The following ABHD12B variants were observed in gnomAD, a reference collection of about 807,000 sequenced individuals.
The protein encoded by ABHD12B is abhydrolase domain containing 12B, also known as protein ABHD12B.
In ABHD12B, 42 loss-of-function variants were observed where a neutral mutation model predicts 50.4. The ratio of observed to expected loss-of-function variants is 0.83; its 90% CI spans 0.65 to 1.08. The LOEUF (loss-of-function observed/expected upper bound fraction) is 1.08. Ranked by LOEUF, ABHD12B falls within the 50% of genes least tolerant of loss-of-function variation. ABHD12B has a pLI of 0.00. For synonymous variants in ABHD12B, 167 were observed against 160.3 expected (o/e 1.04, Z -0.32); for missense variants, 479 against 447.7 (o/e 1.07, Z -0.63).
chr14:50,880,892 G>T (rs1232189979), intron 4 of ABHD12B, among the ~76,000 whole-genome samples: 4 of 152,212 alleles, frequency 2.6e-5, no homozygotes, highest in Non-Finnish European at 2.9e-5. Flanking sequence ...TGACAGGAAA[G>T]GGAACAGGCA....
In ABHD12B at chr14:50,884,508, C is replaced by T. The variant is rs963472507; in HGVS notation, c.487-1106C>T. On this transcript the variant is annotated intron_variant, in intron 5 of 12. Coordinates refer to ENST00000337334, the MANE Select transcript of ABHD12B (RefSeq NM_001206673.2). The stretch of plus-strand genomic sequence containing the variant: ...AGGGGCAGACCCAGGAGTGAATCTT[C>T]GTTCTAGTTCTAGCCAGTTGGGTGA... 2.0e-5 allele frequency among the ~76,000 whole-genome samples: 3 copies of T among 152,130 alleles called. No homozygotes were observed. In the East Asian group the frequency reaches 5.8e-4, roughly 29 times the overall value.
rs1248376396 is a variant in ABHD12B at position 50,900,888 on chromosome 14, G to C, written c.781-941G>C. ...GGTTTAATCCAATTGCCTTTGGAGG[G>C]TGTTAAGCGAAAGAGTGCTACGATC... On this transcript the variant is annotated intron_variant, in intron 9 of 12. Coordinates refer to ENST00000337334, the MANE Select transcript of ABHD12B (RefSeq NM_001206673.2). 8.4e-4 allele frequency among the ~76,000 whole-genome samples: 128 copies of C among 152,194 alleles called. 2 individuals carry two copies. The highest frequency in any genetic ancestry group is 7.3e-5 in the Non-Finnish European group (5 of 68,042).
chr14:50,889,788 C>T (rs1232590740), intron 9 of ABHD12B, among the ~76,000 whole-genome samples: 1 of 152,156 alleles, frequency 6.6e-6, no homozygotes, highest in African/African-American at 2.4e-5. Flanking sequence ...TAGAGGGATA[C>T]ATGGCCTCAA....
chr14:50,872,962 C>G (rs1017061657), intron 1 of ABHD12B, among the ~76,000 whole-genome samples: 3 of 152,172 alleles, frequency 2.0e-5, no homozygotes, highest in Non-Finnish European at 2.9e-5. Flanking sequence ...TTACCTGAAT[C>G]CACCTGCAAC....
chr14:50,904,221 G>T, intron 12 of ABHD12B, 29 bp downstream of exon 12: 1 of 1,613,202 alleles, frequency 6.2e-7, no homozygotes, highest in Non-Finnish European at 8.5e-7. Context: ...AATGTATGTT[G>T]CCCTTCAAGG....
chr14:50,886,596 A>G (rs2050041253), intron 7 of ABHD12B, 51 bp from the exon 8 acceptor site: 1 of 1,565,386 alleles, frequency 6.4e-7, no homozygotes, highest in Non-Finnish European at 8.7e-7. Flanking sequence ...CAGAAGTTGC[A>G]TTTTGTACTG....
At chr14:50,888,384 A>G (rs1164984988) in intron 8 of ABHD12B, among the ~76,000 whole-genome samples, 1 of 151,932 alleles carries the variant, frequency 6.6e-6, no homozygotes, top group East Asian at 1.9e-4. Flanking sequence ...TTGTATTTTT[A>G]GTAGAGATGG....
In ABHD12B at chr14:50,872,286, C is replaced by A; in HGVS notation, c.104+8C>A. 1 of 1,313,886 alleles carries A rather than the reference C, an allele frequency of 7.6e-7. No homozygotes were observed. The highest frequency in any genetic ancestry group is 9.7e-7 in the Non-Finnish European group (1 of 1,029,194). The allele number at this position is 1,313,886 out of a possible 1,614,324, so 81.4% of individuals were successfully genotyped here. On this transcript the variant is annotated splice_region_variant and intron_variant, in intron 1 of 12. Coordinates refer to ENST00000337334, the MANE Select transcript of ABHD12B (RefSeq NM_001206673.2). ...GGTCGACCGCAACCTGCGGTGAGTACCGCCCGGTCCACCCCTGGCCGGGCC... is the reference window on the plus strand; with the variant it reads ...GGTCGACCGCAACCTGCGGTGAGTAACGCCCGGTCCACCCCTGGCCGGGCC...
rs1425558845 is a variant in ABHD12B at position 50,888,844 on chromosome 14, G to T, written c.721G>T (p.Val241Phe). 1.9e-6 allele frequency: 3 copies of T among 1,613,896 alleles called. No individual in the cohort carries two copies. Among genetic ancestry groups the T allele is most frequent in the Non-Finnish European group, 2.5e-6 (3 of 1,179,954 alleles). Residue 241 changes from valine (V) to phenylalanine (F), a missense_variant, in exon 9 of 13, where the codon GTC (valine) becomes TTC (phenylalanine). By Grantham distance (50) the Val-to-Phe change is conservative. Transcript: ENST00000337334. ...EEKGCPVDAI[V>F]LEAPFTNMWV... is the part of the protein sequence containing the mutation. ...TCAAGGATGCCCAGTTGATGCTATT[G>T]TCTTGGAAGCTCCATTTACCAACAT...
At chr14:50,897,976 C>G (rs1247210365) in intron 9 of ABHD12B, among the ~76,000 whole-genome samples, 1 of 152,160 alleles carries the variant, frequency 6.6e-6, no homozygotes, top group Non-Finnish European at 1.5e-5. Flanking sequence ...GCTTTGCTCA[C>G]AGGTGTGGCC....
At chr14:50,903,254 T>C (rs2050284460) in intron 10 of ABHD12B, 135 bp from the exon 11 acceptor site, 1 of 606,084 alleles carries the variant, frequency 1.6e-6, no homozygotes, top group African/African-American at 1.9e-5. Context: ...ATGATATTGT[T>C]ATTCCTTGGA....
At chr14:50,903,988 G>A in intron 11 of ABHD12B, 86 bp from the exon 12 acceptor site, 1 of 1,107,110 alleles carries the variant, frequency 9.0e-7, no homozygotes, top group Non-Finnish European at 1.3e-6. Flanking sequence ...CAAGTTAGCT[G>A]TTTCTGTACA....
intron 11 of ABHD12B, 33 bp downstream of exon 11, chr14:50,903,500 A>G: frequency 1.9e-6 from 3 of 1,548,654 alleles, no homozygotes; most frequent in Non-Finnish European, 1.8e-6. Flanking sequence ...ACTGAAATAT[A>G]CTATACTCAT....
Position 50,878,806 on chromosome 14 carries a change from C to T in ABHD12B, c.294C>T (p.Asn98=), listed in dbSNP as rs1452787838. The part of the protein sequence containing the change: ...KPELKIPHTV[N]FYLRVEPGVM... ...AGTTAAAGATTCCTCACACAGTGAA[C>T]TTCTACCTGAGAGTTGAACCTGGGG... is the stretch of plus-strand genomic sequence containing the variant. Residue 98 remains asparagine, a synonymous_variant, in exon 3 of 13, where the codon AAC becomes AAT. Transcript: ENST00000337334. 25 of 1,613,976 alleles carry T rather than the reference C, an allele frequency of 1.5e-5. No homozygotes were observed. Among genetic ancestry groups the T allele is most frequent in the Non-Finnish European group, 2.0e-5 (24 of 1,179,876 alleles).
rs966916314 is a variant in ABHD12B at position 50,885,671 on chromosome 14, G to C, written c.532+12G>C. On this transcript the variant is annotated intron_variant, in intron 6 of 12. Transcript: ENST00000337334. ...TGTTGACTACAGAGGTATGTGTTAA[G>C]AACGGTGTACAAAGATGTTTCAGTA... 1.9e-6 allele frequency: 3 copies of C among 1,614,034 alleles called. No individual in the cohort carries two copies. The highest frequency in any genetic ancestry group is 1.7e-6 in the Non-Finnish European group (2 of 1,180,040).
At chr14:50,903,342 C>G in intron 10 of ABHD12B, 47 bp from the exon 11 acceptor site, 1 of 1,434,132 alleles carries the variant, frequency 7.0e-7, no homozygotes, top group Non-Finnish European at 9.7e-7. Flanking sequence ...GGAGAAATCT[C>G]AATGTATCAT....
chr14:50,901,541 A>G (rs1596024571), intron 9 of ABHD12B, among the ~76,000 whole-genome samples: 2 of 152,280 alleles, frequency 1.3e-5, no homozygotes, highest in Admixed American at 1.3e-4. Context: ...CTGCTTCTAC[A>G]TGGAGAAGTA....
rs142210572 is a variant in ABHD12B, at chr14:50,904,188, G to C, written c.1057G>C (p.Val353Leu). ...TAAAAGCCCCACACTGTTAATAACCGTGAGGTAAGAGTTGCTTTGCTAAAT... is the reference window on the plus strand; with the variant it reads ...TAAAAGCCCCACACTGTTAATAACCCTGAGGTAAGAGTTGCTTTGCTAAAT... ...LCKSPTLLITVRDFLSKQWS is the reference protein window; with the variant it reads ...LCKSPTLLITLRDFLSKQWS The change falls in exon 12 of 13, where the codon GTG becomes CTG. Residue 353 changes from valine to leucine, a missense_variant. Coordinates refer to ENST00000337334, the MANE Select transcript of ABHD12B (RefSeq NM_001206673.2). 5 of 1,614,002 alleles carry C rather than the reference G, an allele frequency of 3.1e-6. No individual in the cohort carries two copies. The African/African-American group carries it at 4.0e-5, about 13-fold the overall frequency.
intron 1 of ABHD12B, among the ~76,000 whole-genome samples, chr14:50,877,531 A>G (rs1316569973): frequency 1.3e-5 from 2 of 152,092 alleles, no homozygotes; most frequent in African/African-American, 4.8e-5. Context: ...GTTTCCCCTT[A>G]GTCCCAGTCT....
Sources: gnomAD v4.1 joint callset for allele counts (sites outside exome capture counted in the v4.1 genomes callset) on GRCh38, gnomAD v4.1.1 for gene constraint, MANE v1.5 for transcripts, NCBI Gene and HGNC (gene_info 2026-07-23, HGNC 2026-07-21) for gene names.